Variants in PRKD3 observed in about 807,000 individuals in gnomAD.
PRKD3 encodes the protein protein kinase D3.
In PRKD3, 47 loss-of-function variants were observed where a neutral mutation model predicts 99.2. The ratio of observed to expected loss-of-function variants is 0.47; its 90% CI spans 0.38 to 0.60. The LOEUF (loss-of-function observed/expected upper bound fraction) is 0.60. Among genes scored for constraint, PRKD3 ranks in the 20% least tolerant of loss-of-function variants. The pLI is 0.00. For synonymous variants in PRKD3, 392 were observed against 355.4 expected (o/e 1.10, Z -1.16); for missense variants, 1,019 against 1,088.4 (o/e 0.94, Z 0.90).
intron 14 of PRKD3, 79 bp from the exon 15 acceptor site, chr2:37,260,463 C>T: frequency 7.7e-7 from 1 of 1,293,026 alleles, no homozygotes; most frequent in Non-Finnish European, 1.1e-6. Context: ...CTATGATTGT[C>T]TGAAATGGCA....
intron 2 of PRKD3, among the ~76,000 whole-genome samples, chr2:37,303,002 T>C (rs1263282885): frequency 1.3e-5 from 2 of 152,148 alleles, no homozygotes; most frequent in Non-Finnish European, 2.9e-5. Context: ...TGTTGCCTTT[T>C]CCAAAACTAC....
rs771021783 is a variant in PRKD3 at position 37,279,845 on chromosome 2, T to C, written c.1073A>G (p.Asp358Gly). 5 of 1,613,462 alleles carry C rather than the reference T, an allele frequency of 3.1e-6. No homozygotes were observed. The highest frequency in any genetic ancestry group is 4.2e-6 in the Non-Finnish European group (5 of 1,179,524). The change falls in exon 8 of 19, where the codon GAT becomes GGT. Residue 358 changes from aspartate (D) to glycine (G), a missense_variant. This residue lies in a region of PRKD3 where 710 missense variants were observed against 692.7 expected (regional missense o/e 1.02). Transcript: ENST00000234179. ...DINSDSSRGL[D>G]DTEEPSPPED... ...TGGGGGTGATGGCTCTTCTGTGTCA[T>C]CCAAACCCCGACTACTATCACTATT...
At chr2:37,277,431 GTCA>G (rs751496489) in intron 9 of PRKD3, among the ~76,000 whole-genome samples, 3 of 152,112 alleles carry the variant, frequency 2.0e-5, no homozygotes, top group Non-Finnish European at 4.4e-5. Context: ...CTACTAGAAT[GTCA>G]TCATTCCTCG....
At chr2:37,266,707 C>T (rs1409435561) in intron 14 of PRKD3, among the ~76,000 whole-genome samples, 11 of 152,032 alleles carry the variant, frequency 7.2e-5, no homozygotes, top group Admixed American at 7.2e-4. Context: ...AGGCTGGTCC[C>T]GAACTCCTAA....
At chr2:37,267,393 C>T (rs772548190) in intron 14 of PRKD3, 37 bp downstream of exon 14, 1 of 1,361,898 alleles carries the variant, frequency 7.3e-7, no homozygotes, top group Non-Finnish European at 1.0e-6. Flanking sequence ...TCTTACCAGC[C>T]TCTTTAATAA....
chr2:37,267,346 TAAA>T (rs373745205), intron 14 of PRKD3, 81 bp downstream of exon 14: 622 of 782,508 alleles, frequency 7.9e-4, no homozygotes, highest in South Asian at 1.4e-3. Flanking sequence ...TTTGCCTTCT[TAAA>T]AAAAAAAAAA....
intron 17 of PRKD3, among the ~76,000 whole-genome samples, chr2:37,254,560 G>C (rs1348774693): frequency 1.3e-5 from 2 of 152,074 alleles, no homozygotes; most frequent in African/African-American, 4.8e-5. Context: ...CTGAAGTCTG[G>C]TTCTGCCACC....
chr2:37,307,530 A>ATC (rs1407591735), intron 2 of PRKD3, among the ~76,000 whole-genome samples: 2 of 152,218 alleles, frequency 1.3e-5, no homozygotes, highest in Non-Finnish European at 2.9e-5. Flanking sequence ...ACTATAAATC[A>ATC]TCTCATCAAT....
chr2:37,267,448 A>T lies in PRKD3; in HGVS notation c.1866T>A (p.Asn622Lys), dbSNP rs2302650. Residue 622 changes from asparagine to lysine, a missense_variant, in exon 14 of 19, where the codon AAT becomes AAA. By Grantham distance (94) the Asn-to-Lys change is moderately conservative (BLOSUM62 0). Coordinates refer to ENST00000234179, the MANE Select transcript of PRKD3 (RefSeq NM_005813.6). ...TTTTTACCTGTAAAATAGCCACTTC[A>T]TTACGGAGTTGACTTTCTTGTTTTG... ...FPTKQESQLR[N>K]EVAILQNLHH... The T allele has an allele frequency of 6.2e-7, 1 of 1,602,416 alleles. No homozygotes were observed.
chr2:37,263,929 C>G (rs1006718539), intron 14 of PRKD3, among the ~76,000 whole-genome samples: 1 of 152,156 alleles, frequency 6.6e-6, no homozygotes, highest in African/African-American at 2.4e-5. Context: ...GCTGAATTTA[C>G]ACCACAATGT....
chr2:37,276,636 T>C (rs1261610600), intron 9 of PRKD3, among the ~76,000 whole-genome samples: 1 of 152,050 alleles, frequency 6.6e-6, no homozygotes, highest in Non-Finnish European at 1.5e-5. Context: ...TTGCCACATA[T>C]CATTTTTTAA....
rs35889491 is a variant in PRKD3 at position 37,313,337 on chromosome 2, G to GAA, written c.288+2898_288+2899dup. On this transcript the variant is annotated intron_variant, in intron 2 of 18. Coordinates refer to ENST00000234179, the MANE Select transcript of PRKD3 (RefSeq NM_005813.6). ...TGACCCCTGCATTAGCGGAATTGAT[G>GAA]AAAAAAAAAAAAACTGTAAAGAGTA... Among the ~76,000 whole-genome samples, 341 of 143,854 alleles carry GAA rather than the reference G, an allele frequency of 2.4e-3. 5 individuals carry two copies. The East Asian group carries it at 0.034, about 14-fold the overall frequency. The allele number at this position is 143,854 out of a possible 152,430, so 94.4% of individuals were successfully genotyped here.
chr2:37,279,180 T>C (rs916807673), intron 8 of PRKD3: 1 of 152,142 alleles, frequency 6.6e-6, no homozygotes, highest in Non-Finnish European at 1.5e-5. Flanking sequence ...TGCTACAAGG[T>C]AGTATATCAT....
chr2:37,296,063 CA>C (rs1420773117), intron 2 of PRKD3, among the ~76,000 whole-genome samples: 1 of 151,570 alleles, frequency 6.6e-6, no homozygotes, highest in African/African-American at 2.4e-5. Context: ...TGGAAAGAGA[CA>C]AGGAACTTTC....
chr2:37,293,151 C>T lies in PRKD3; in HGVS notation c.409G>A (p.Val137Met), dbSNP rs749847004. 6.3e-7 allele frequency: 1 copy of T among 1,585,074 alleles called. No individual in the cohort carries two copies. Among genetic ancestry groups the T allele is most frequent in the Middle Eastern group, 1.7e-4 (1 of 5,962 alleles). The change falls in exon 3 of 19, where the codon GTG (valine) becomes ATG (methionine). Residue 137 changes from valine to methionine, a missense_variant. This residue lies in a region of PRKD3 where 710 missense variants were observed against 692.7 expected (regional missense o/e 1.02). Coordinates refer to ENST00000234179, the MANE Select transcript of PRKD3 (RefSeq NM_005813.6). ...TACTTACCTGAAAGAACCACTTCCACTAGGTCTCCTTCATGTATTTCATCT... is the reference window on the plus strand; with the variant it reads ...TACTTACCTGAAAGAACCACTTCCATTAGGTCTCCTTCATGTATTTCATCT... The part of the protein sequence containing the change: ...SADEIHEGDL[V>M]EVVLSALATV...
At chr2:37,306,798 G>A (rs1671190180) in intron 2 of PRKD3, among the ~76,000 whole-genome samples, 1 of 152,180 alleles carries the variant, frequency 6.6e-6, no homozygotes, top group Non-Finnish European at 1.5e-5. Flanking sequence ...GACAGAGCAA[G>A]ATCCTGTCTC....
intron 5 of PRKD3, among the ~76,000 whole-genome samples, chr2:37,287,127 G>A (rs541643737): frequency 1.0e-3 from 157 of 150,986 alleles, no homozygotes; most frequent in African/African-American, 2.9e-3. Flanking sequence ...CTACTCGGGA[G>A]GCTGACGCAG....
Position 37,277,530 on chromosome 2 carries a change from G to C in PRKD3, c.1296+336C>G, listed in dbSNP as rs1669636655. 1.3e-5 allele frequency among the ~76,000 whole-genome samples: 2 copies of C among 151,948 alleles called. 1 individual carries two copies. Among genetic ancestry groups the C allele is most frequent in the South Asian group, 4.1e-4 (2 of 4,824 alleles). On this transcript the variant is annotated intron_variant, in intron 9 of 18. Transcript: ENST00000234179. Reference sequence around the variant, plus strand: ...CCAAACATGCTTCCTTCCTATCTTTGGTAATAAGATGACTTTTTAGATGAA... The same window carrying C: ...CCAAACATGCTTCCTTCCTATCTTTCGTAATAAGATGACTTTTTAGATGAA...
intron 1 of PRKD3, among the ~76,000 whole-genome samples, chr2:37,323,591 G>C (rs1012839909): frequency 7.9e-5 from 12 of 152,032 alleles, no homozygotes; most frequent in Non-Finnish European, 1.8e-4. Flanking sequence ...TCAGTCGGGG[G>C]AACTTTATGG....
Sources: allele counts gnomAD v4.1 joint callset (sites outside exome capture counted in the v4.1 genomes callset), GRCh38; gene constraint gnomAD v4.1.1; regional missense constraint gnomAD v4.1.1; transcripts MANE v1.5; gene names NCBI Gene and HGNC (gene_info 2026-07-23, HGNC 2026-07-21).